GALNT18: variants seen among roughly 807,000 people sequenced by gnomAD.
GALNT18 encodes the protein GalNAc-transferase 18.
A neutral mutation model predicts 69.5 loss-of-function variants in GALNT18; 44 were observed. The observed-to-expected ratio is 0.63, with a 90% CI of 0.50 to 0.81. The LOEUF (loss-of-function observed/expected upper bound fraction) is 0.81, where lower values mean the gene tolerates loss of function less well. Among genes scored for constraint, GALNT18 ranks in the 40% least tolerant of loss-of-function variants. The probability of loss-of-function intolerance (pLI) is 0.00; values close to 1 mark genes in which losing one functional copy is unlikely to be tolerated. For synonymous variants in GALNT18, 364 were observed against 318.2 expected (o/e 1.14, Z -1.53); for missense variants, 715 against 810.0 (o/e 0.88, Z 1.42).
chr11:11,506,426 A>G (rs1427261504), intron 1 of GALNT18, among the ~76,000 whole-genome samples: 16 of 152,182 alleles, frequency 1.1e-4, no homozygotes, highest in Admixed American at 1.0e-3. Context: ...CCCTGTCCAG[A>G]TGACTATACT....
At position 11,341,169 on chromosome 11, in the gene GALNT18, A is replaced by G. The variant is rs1216482407; in HGVS notation, c.1093-165T>C. 6.6e-6 allele frequency among the ~76,000 whole-genome samples: 1 copy of G among 152,202 alleles called. No homozygotes were observed. The highest frequency in any genetic ancestry group is 1.9e-4 in the East Asian group (1 of 5,194). ...TAGGCCATACCTGATTTCTGCTCCT[A>G]TAGCAGCAGGATGGCTATGGAGTCA... On this transcript the variant is annotated intron_variant, in intron 6 of 10. Transcript: ENST00000227756. The surrounding 1 kb of genome is among the most constrained non-coding windows in gnomAD (Gnocchi z 6.3).
chr11:11,275,831 T>A (rs375868835), intron 10 of GALNT18, among the ~76,000 whole-genome samples: 2 of 152,204 alleles, frequency 1.3e-5, no homozygotes. Flanking sequence ...TTGTCAAAGA[T>A]CAGATTGTTG....
chr11:11,293,515 C>T (rs1047202229), intron 9 of GALNT18, among the ~76,000 whole-genome samples: 26 of 150,566 alleles, frequency 1.7e-4, no homozygotes, highest in African/African-American at 6.4e-4. Flanking sequence ...TATTTCTTCA[C>T]CCAGTTTACA....
chr11:11,324,208 A>G (rs1849881430), intron 9 of GALNT18, among the ~76,000 whole-genome samples: 1 of 152,190 alleles, frequency 6.6e-6, no homozygotes. Context: ...GGCCTGTGAT[A>G]TTTTGTTTTG....
chr11:11,361,422 A>G (rs1234909449), intron 6 of GALNT18, among the ~76,000 whole-genome samples: 3 of 152,214 alleles, frequency 2.0e-5, no homozygotes, highest in East Asian at 3.8e-4. Context: ...GCAAGGATTA[A>G]GTGAATTAAT....
rs1450872896 is a variant in GALNT18 at position 11,584,781 on chromosome 11, A to G, written c.235+36578T>C. On this transcript the variant is annotated intron_variant, in intron 1 of 10. Coordinates refer to ENST00000227756, the MANE Select transcript of GALNT18 (RefSeq NM_198516.3). The surrounding 1 kb of genome is among the most constrained non-coding windows in gnomAD (Gnocchi z 4.1). ...AATGAACTACGTACTTTTTTCATGA[A>G]ACACTATTTTCACTTAAAAGAACAA... 6.6e-6 allele frequency among the ~76,000 whole-genome samples: 1 copy of G among 151,572 alleles called. No homozygotes were observed. Among genetic ancestry groups the G allele is most frequent in the African/African-American group, 2.4e-5 (1 of 40,928 alleles).
rs1312240066 is a variant in GALNT18, at chr11:11,564,034, T to A, written c.235+57325A>T. Among the ~76,000 whole-genome samples the A allele has an allele frequency of 1.3e-5, 2 of 152,010 alleles. No homozygotes were observed. The highest frequency in any genetic ancestry group is 2.9e-5 in the Non-Finnish European group (2 of 68,036). ...CGATCAACTAGATGCTGATTACTAG[T>A]GAGGCACCATGCTAAATGAATGTCA... On this transcript the variant is annotated intron_variant, in intron 1 of 10. Coordinates refer to ENST00000227756, the MANE Select transcript of GALNT18 (RefSeq NM_198516.3). The surrounding 1 kb of genome is among the most constrained non-coding windows in gnomAD (Gnocchi z 4.3).
Position 11,463,226 on chromosome 11 carries a change from A to G in GALNT18, c.236-14290T>C, listed in dbSNP as rs1230925390. Among the ~76,000 whole-genome samples, 1 of 126,158 alleles carries G rather than the reference A, an allele frequency of 7.9e-6. No homozygotes were observed. Among genetic ancestry groups the G allele is most frequent in the Non-Finnish European group, 1.8e-5 (1 of 57,110 alleles). The allele number at this position is 126,158 out of a possible 152,430, so 82.8% of individuals were successfully genotyped here. ...GACAGACAGACACACACACACACAC[A>G]GAGAGAGAGAGAGAGAGTTCCAGAA... On this transcript the variant is annotated intron_variant, in intron 1 of 10. Coordinates refer to ENST00000227756, the MANE Select transcript of GALNT18 (RefSeq NM_198516.3). This position sits in a 1 kb window ranked among gnomAD's most constrained non-coding sequence, Gnocchi z 4.2.
In GALNT18 at chr11:11,432,379, T is replaced by G. The variant is rs920391422; in HGVS notation, c.595+242A>C. On this transcript the variant is annotated intron_variant, in intron 3 of 10. Transcript: ENST00000227756. The surrounding 1 kb of genome is among the most constrained non-coding windows in gnomAD (Gnocchi z 5.8). Reference sequence around the variant, plus strand: ...CTATCTTATCTATTGCACTGGAATATGGGAGGGGAGAGTAGCCAGCCAGGA... The same window carrying G: ...CTATCTTATCTATTGCACTGGAATAGGGGAGGGGAGAGTAGCCAGCCAGGA... Among the ~76,000 whole-genome samples, 1 of 152,140 alleles carries G rather than the reference T, an allele frequency of 6.6e-6. No individual in the cohort carries two copies. Among genetic ancestry groups the G allele is most frequent in the Non-Finnish European group, 1.5e-5 (1 of 68,032 alleles).
chr11:11,274,978 T>C (rs1168943396), intron 10 of GALNT18, among the ~76,000 whole-genome samples: 1 of 152,262 alleles, frequency 6.6e-6, no homozygotes, highest in Non-Finnish European at 1.5e-5. Context: ...TCCAAGTCTT[T>C]GCTATTGTGA....
intron 10 of GALNT18, among the ~76,000 whole-genome samples, chr11:11,288,613 A>C (rs1849239072): frequency 6.6e-6 from 1 of 152,180 alleles, no homozygotes; most frequent in Admixed American, 6.5e-5. Flanking sequence ...TTGATGAACG[A>C]CTAAAGGAAA....
In GALNT18 at chr11:11,271,855, C is replaced by T. The variant is rs139512935; in HGVS notation, c.1678-565G>A. ...ACTGAGGTTCCAGAATGTTTGTAGC[C>T]ATTCATACTCAGTTTATGACCCAAA... is the stretch of plus-strand genomic sequence containing the variant. On this transcript the variant is annotated intron_variant, in intron 10 of 10. Coordinates refer to ENST00000227756, the MANE Select transcript of GALNT18 (RefSeq NM_198516.3). 7.4e-3 allele frequency among the ~76,000 whole-genome samples: 1,129 copies of T among 152,332 alleles called. 15 individuals carry two copies. Among genetic ancestry groups the T allele is most frequent in the Non-Finnish European group, 0.011 (753 of 68,034 alleles).
chr11:11,279,525 G>A (rs552870725), intron 10 of GALNT18, among the ~76,000 whole-genome samples: 1 of 152,206 alleles, frequency 6.6e-6, no homozygotes, highest in African/African-American at 2.4e-5. Context: ...TCCATCAATA[G>A]TACAGCAGAC....
rs1856089090 is a variant in GALNT18 at position 11,463,388 on chromosome 11, T to A, written c.236-14452A>T. Reference sequence around the variant, plus strand: ...AAGAACACTTACAAAAACAAACTTGTGAGAAGAAATATTATTCAGTTAACT... The same window carrying A: ...AAGAACACTTACAAAAACAAACTTGAGAGAAGAAATATTATTCAGTTAACT... On this transcript the variant is annotated intron_variant, in intron 1 of 10. Coordinates refer to ENST00000227756, the MANE Select transcript of GALNT18 (RefSeq NM_198516.3). The surrounding 1 kb of genome is among the most constrained non-coding windows in gnomAD (Gnocchi z 4.2). Among the ~76,000 whole-genome samples the A allele has an allele frequency of 6.6e-6, 1 of 152,186 alleles. No individual in the cohort carries two copies.
Position 11,337,308 on chromosome 11 carries a change from G to T in GALNT18, c.1278+3511C>A, listed in dbSNP as rs557038924. Among the ~76,000 whole-genome samples the T allele has an allele frequency of 7.2e-5, 11 of 152,198 alleles. No individual in the cohort carries two copies. Among genetic ancestry groups the T allele is most frequent in the South Asian group, 2.1e-4 (1 of 4,814 alleles). ...AGGCGTCACCAAGCTCTTACCATGC[G>T]CCCTGCCTTGTGCTAGATATAATGA... On this transcript the variant is annotated intron_variant, in intron 7 of 10. Transcript: ENST00000227756. This position sits in a 1 kb window ranked among gnomAD's most constrained non-coding sequence, Gnocchi z 4.9.
chr11:11,457,677 A>G (rs1045102995), intron 1 of GALNT18, among the ~76,000 whole-genome samples: 1 of 152,194 alleles, frequency 6.6e-6, no homozygotes, highest in Admixed American at 6.5e-5. Context: ...TGGGAGCGGC[A>G]GCTCTGCTTC....
At chr11:11,453,879 T>A (rs529470318) in intron 1 of GALNT18, among the ~76,000 whole-genome samples, 3 of 152,254 alleles carry the variant, frequency 2.0e-5, no homozygotes, top group African/African-American at 7.2e-5. Context: ...TACGTCTTTC[T>A]TAGCAGCATG....
Position 11,426,904 on chromosome 11 carries a change from G to T in GALNT18, c.595+5717C>A, listed in dbSNP as rs1208497919. Among the ~76,000 whole-genome samples, 9 of 152,290 alleles carry T rather than the reference G, an allele frequency of 5.9e-5. No individual in the cohort carries two copies. In the East Asian group the frequency reaches 1.7e-3, roughly 29 times the overall value. ...AAACAGCAAGGGCAAATGTCCTGAG[G>T]CAGTGGCATGCCTGGTATGAATCTC... On this transcript the variant is annotated intron_variant, in intron 3 of 10. Coordinates refer to ENST00000227756, the MANE Select transcript of GALNT18 (RefSeq NM_198516.3).
intron 6 of GALNT18, among the ~76,000 whole-genome samples, chr11:11,353,781 G>A (rs1850470480): frequency 6.6e-6 from 1 of 152,120 alleles, no homozygotes. Context: ...AGCCAGGAGG[G>A]TTCTTTCTGA....
Sources: gnomAD v4.1 joint callset for allele counts (sites outside exome capture counted in the v4.1 genomes callset) on GRCh38, gnomAD v4.1.1 for gene constraint, Gnocchi (gnomAD v3.1) non-coding constraint, MANE v1.5 for transcripts, NCBI Gene and HGNC (gene_info 2026-07-23, HGNC 2026-07-21) for gene names.